FBLN5: variants seen among roughly 807,000 people sequenced by gnomAD.
FBLN5 encodes the protein fibulin 5, also known as fibulin-5.
A neutral mutation model predicts 61.6 loss-of-function variants in FBLN5; 24 were observed. The observed-to-expected ratio is 0.39, with a 90% CI of 0.28 to 0.55. The LOEUF is 0.55. FBLN5 is among the 20% of genes least tolerant of loss of function. The pLI is 0.65. For synonymous variants in FBLN5, 213 were observed against 219.8 expected, an observed-to-expected ratio of 0.97 and a Z score of 0.27; for missense variants, 470 against 594.1, an observed-to-expected ratio of 0.79 and a Z score of 2.17.
chr14:91,931,540 C>T (rs756504632), intron 4 of FBLN5, among the ~76,000 whole-genome samples: 5 of 152,220 alleles, frequency 3.3e-5, no homozygotes, highest in Non-Finnish European at 5.9e-5. Context: ...ATAACAATAA[C>T]AAAAATCCTG....
chr14:91,927,645 ACAGT>A (rs1408462588), intron 4 of FBLN5, among the ~76,000 whole-genome samples: 2 of 152,240 alleles, frequency 1.3e-5, no homozygotes, highest in East Asian at 3.8e-4. Flanking sequence ...CATGTGCTAA[ACAGT>A]CAGCTCAGCT....
chr14:91,910,694 C>G (rs1029470987), intron 4 of FBLN5, among the ~76,000 whole-genome samples: 2 of 152,160 alleles, frequency 1.3e-5, no homozygotes, highest in African/African-American at 4.8e-5. Flanking sequence ...AAACTTAACT[C>G]CACCCCAACA....
intron 6 of FBLN5, among the ~76,000 whole-genome samples, chr14:91,887,937 A>C (rs1889803036): frequency 6.6e-6 from 1 of 152,164 alleles, no homozygotes; most frequent in Non-Finnish European, 1.5e-5. Flanking sequence ...GGGTACACGT[A>C]TGTCAAAATT....
intron 9 of FBLN5, 27 bp downstream of exon 9, chr14:91,881,265 A>C: frequency 6.2e-7 from 1 of 1,613,552 alleles, no homozygotes; most frequent in Middle Eastern, 1.7e-4. Context: ...TCAGGTTTCT[A>C]TTCCCCAGGG....
At position 91,882,765 on chromosome 14, in the gene FBLN5, G is replaced by T. The variant is rs767739697; in HGVS notation, c.862+189C>A. On this transcript the variant is annotated intron_variant, in intron 8 of 10. Coordinates refer to ENST00000342058, the MANE Select transcript of FBLN5 (RefSeq NM_006329.4). The surrounding 1 kb of genome is among the most constrained non-coding windows in gnomAD (Gnocchi z 4.9). Reference sequence around the variant, plus strand: ...TGGCCAAAGGACGGGTTACAGGGAAGGAAGACAACAGGCCAGGCATCCTGC... The same window carrying T: ...TGGCCAAAGGACGGGTTACAGGGAATGAAGACAACAGGCCAGGCATCCTGC... 3.9e-5 allele frequency among the ~76,000 whole-genome samples: 6 copies of T among 152,224 alleles called. No homozygotes were observed. Among genetic ancestry groups the T allele is most frequent in the Non-Finnish European group, 8.8e-5 (6 of 68,036 alleles).
chr14:91,897,859 G>A (rs572385225), intron 4 of FBLN5, among the ~76,000 whole-genome samples: 156 of 152,214 alleles, frequency 1.0e-3, no homozygotes, highest in African/African-American at 3.2e-3. Context: ...GACCAGCCTG[G>A]GCAACATGGC....
intron 7 of FBLN5, among the ~76,000 whole-genome samples, chr14:91,884,246 G>A (rs1490921958): frequency 6.6e-6 from 1 of 152,192 alleles, no homozygotes; most frequent in Non-Finnish European, 1.5e-5. Context: ...TTATCAGCCA[G>A]CAGAATTAGG....
At chr14:91,901,379 G>C (rs746933386) in intron 4 of FBLN5, among the ~76,000 whole-genome samples, 2 of 152,090 alleles carry the variant, frequency 1.3e-5, no homozygotes, top group Non-Finnish European at 2.9e-5. Context: ...CCTTTCCAAG[G>C]CCTCCACTCT....
At chr14:91,898,211 C>CGGG (rs140311948) in intron 4 of FBLN5, among the ~76,000 whole-genome samples, 55 of 150,486 alleles carry the variant, frequency 3.7e-4, no homozygotes, top group African/African-American at 1.3e-3. Flanking sequence ...TTTTTTTTGG[C>CGGG]GGGGGGGGCG....
At chr14:91,939,139 T>A (rs2140050835) in intron 3 of FBLN5, among the ~76,000 whole-genome samples, 1 of 152,282 alleles carries the variant, frequency 6.6e-6, no homozygotes, top group Non-Finnish European at 1.5e-5. Flanking sequence ...AAAAGCTAAA[T>A]ACTTCCCCTA....
At chr14:91,905,709 A>G (rs546431519) in intron 4 of FBLN5, among the ~76,000 whole-genome samples, 13 of 147,576 alleles carry the variant, frequency 8.8e-5, no homozygotes, top group Middle Eastern at 3.8e-3. Context: ...CCTCCCGAGT[A>G]GCTGGAATTA....
At chr14:91,936,237 T>G (rs144850794) in intron 4 of FBLN5, among the ~76,000 whole-genome samples, 1 of 152,204 alleles carries the variant, frequency 6.6e-6, no homozygotes, top group Non-Finnish European at 1.5e-5. Context: ...GTAATAAAAC[T>G]TCAATTCATA....
At chr14:91,893,447 T>G (rs1890080538) in intron 5 of FBLN5, among the ~76,000 whole-genome samples, 1 of 152,222 alleles carries the variant, frequency 6.6e-6, no homozygotes, top group South Asian at 2.1e-4. Context: ...GGACGGGGCT[T>G]GAGGGCAGAC....
rs929669636 is a variant in FBLN5, at chr14:91,877,341, A to T, written c.1185+146T>A. On this transcript the variant is annotated intron_variant, in intron 10 of 10. Coordinates refer to ENST00000342058, the MANE Select transcript of FBLN5 (RefSeq NM_006329.4). ...GACTACACAGAAAGTGGTGGAAACC[A>T]GGACCTTGAACCACACCCTCCACTC... 2.8e-5 allele frequency: 20 copies of T among 705,940 alleles called. No homozygotes were observed. The African/African-American group carries it at 3.0e-4, about 11-fold the overall frequency. The allele number at this position is 705,940 out of a possible 1,614,324, so 43.7% of individuals were successfully genotyped here.
intron 7 of FBLN5, among the ~76,000 whole-genome samples, chr14:91,886,659 T>A (rs1206684355): frequency 1.3e-5 from 2 of 152,232 alleles, no homozygotes; most frequent in African/African-American, 4.8e-5. Flanking sequence ...GAGAACTATT[T>A]TTTTTTGCAT....
chr14:91,897,869 C>T (rs1004121497), intron 4 of FBLN5, among the ~76,000 whole-genome samples: 5 of 152,056 alleles, frequency 3.3e-5, no homozygotes, highest in South Asian at 2.1e-4. Flanking sequence ...GGCAACATGG[C>T]AAAACCCTGT....
intron 5 of FBLN5, among the ~76,000 whole-genome samples, chr14:91,893,202 C>T (rs534814862): frequency 7.2e-5 from 11 of 152,320 alleles, no homozygotes; most frequent in South Asian, 2.1e-4. Flanking sequence ...GTCTGCGATG[C>T]TATAAAAGTT....
At chr14:91,890,335 G>A (rs1456520768) in intron 6 of FBLN5, among the ~76,000 whole-genome samples, 1 of 152,176 alleles carries the variant, frequency 6.6e-6, no homozygotes, top group East Asian at 1.9e-4. Flanking sequence ...CTCCAAGGGT[G>A]AATGAAACAA....
At chr14:91,890,216 A>C (rs1384646743) in intron 6 of FBLN5, among the ~76,000 whole-genome samples, 1 of 147,452 alleles carries the variant, frequency 6.8e-6, no homozygotes, top group Non-Finnish European at 1.5e-5. Flanking sequence ...ATCCAGGGTC[A>C]AACTCTTTAA....
Sources: allele counts gnomAD v4.1 joint callset (sites outside exome capture counted in the v4.1 genomes callset), GRCh38; gene constraint gnomAD v4.1.1; non-coding constraint Gnocchi (gnomAD v3.1); transcripts MANE v1.5; gene names NCBI Gene and HGNC (gene_info 2026-07-23, HGNC 2026-07-21).